Variants in SDC2 observed in about 807,000 individuals in gnomAD.
SDC2 encodes the protein syndecan-2.
SDC2 carries 13 observed loss-of-function variants against 22.2 expected under a neutral mutation model. That is an observed-to-expected ratio of 0.59 (90% CI 0.38 to 0.93). The LOEUF (loss-of-function observed/expected upper bound fraction) is 0.93, where lower values mean the gene tolerates loss of function less well. Ranked by LOEUF, SDC2 falls within the 40% of genes least tolerant of loss-of-function variation. SDC2 has a pLI of 0.00. For missense variants in SDC2, 235 were observed against 246.8 expected (o/e 0.95, Z 0.32); for synonymous variants, 94 against 92.8 (o/e 1.01, Z -0.07).
chr8:96,505,849 A>G (rs1813230853), intron 1 of SDC2, among the ~76,000 whole-genome samples: 2 of 152,224 alleles, frequency 1.3e-5, no homozygotes, highest in African/African-American at 4.8e-5. Flanking sequence ...TGGTCCTGCA[A>G]GTTAAAAAGA....
At chr8:96,600,935 T>C (rs904196674) in intron 2 of SDC2, among the ~76,000 whole-genome samples, 2 of 152,112 alleles carry the variant, frequency 1.3e-5, no homozygotes, top group African/African-American at 4.8e-5. Flanking sequence ...TTTATTGACA[T>C]TGTGGACATG....
chr8:96,542,017 T>C (rs1313613614), intron 1 of SDC2, among the ~76,000 whole-genome samples: 1 of 152,120 alleles, frequency 6.6e-6, no homozygotes, highest in Non-Finnish European at 1.5e-5. Flanking sequence ...ACAAGGTCAT[T>C]GTCATGGATT....
rs1554604674 is a variant in SDC2 at position 96,576,379 on chromosome 8, G to GGTTTTTTTT, written c.61-17101_61-17100insGTTTTTTTT. Among the ~76,000 whole-genome samples, 3 of 47,564 alleles carry GGTTTTTTTT rather than the reference G, an allele frequency of 6.3e-5. 1 individual carries two copies. The highest frequency in any genetic ancestry group is 7.9e-5 in the Non-Finnish European group (2 of 25,320). 31.2% of individuals were successfully genotyped at this position (47,564 alleles called of 152,430 possible). ...ATAATTGGTAGTTTGTTTTTGTTTT[G>GGTTTTTTTT]TTTTGTTTTTTTTTACCAGATTTGC... On this transcript the variant is annotated intron_variant, in intron 1 of 4. Transcript: ENST00000302190.
At chr8:96,569,563 A>G (rs1814356748) in intron 1 of SDC2, among the ~76,000 whole-genome samples, 1 of 152,226 alleles carries the variant, frequency 6.6e-6, no homozygotes, top group South Asian at 2.1e-4. Context: ...TATTTGCTAA[A>G]TGAACTAAAA....
intron 1 of SDC2, among the ~76,000 whole-genome samples, chr8:96,496,718 G>T (rs879050450): frequency 1.3e-5 from 2 of 152,200 alleles, no homozygotes; most frequent in African/African-American, 4.8e-5. Flanking sequence ...TTTAAAGGAA[G>T]AAAGGAAAAC....
chr8:96,553,564 C>G (rs1814060813), intron 1 of SDC2, among the ~76,000 whole-genome samples: 2 of 151,468 alleles, frequency 1.3e-5, no homozygotes, highest in African/African-American at 4.9e-5. Flanking sequence ...CTTATACCAA[C>G]ACTAGTTTGA....
At position 96,493,975 on chromosome 8, in the gene SDC2, G is replaced by C. The variant is rs1813003198; in HGVS notation, c.-297G>C. 2.1e-6 allele frequency: 1 copy of C among 478,042 alleles called. No individual in the cohort carries two copies. The highest frequency in any genetic ancestry group is 3.0e-5 in the South Asian group (1 of 33,088). The allele number at this position is 478,042 out of a possible 1,614,324, so 29.6% of individuals were successfully genotyped here. ...CGCGGAGGAGCAAAACCACAGCAGA[G>C]CAAGAAGAGCTTCAGAGAGCAGCCT... On this transcript the variant is annotated 5_prime_UTR_variant, in exon 1 of 5. Transcript: ENST00000302190.
chr8:96,495,237 T>C (rs1323352633), intron 1 of SDC2, among the ~76,000 whole-genome samples: 1 of 152,194 alleles, frequency 6.6e-6, no homozygotes, highest in Non-Finnish European at 1.5e-5. Flanking sequence ...GGGGCGCTTC[T>C]GGGGCCGGGA....
intron 1 of SDC2, among the ~76,000 whole-genome samples, chr8:96,517,419 G>A (rs2130451750): frequency 6.6e-6 from 1 of 152,226 alleles, no homozygotes; most frequent in Admixed American, 6.5e-5. Flanking sequence ...CTGAAAATTG[G>A]AAACATCTAT....
intron 1 of SDC2, among the ~76,000 whole-genome samples, chr8:96,498,378 G>A (rs2130414841): frequency 6.6e-6 from 1 of 152,236 alleles, no homozygotes; most frequent in East Asian, 1.9e-4. Flanking sequence ...TAAAGATGCA[G>A]CACCAACAGG....
rs952503590 is a variant in SDC2 at position 96,608,420 on chromosome 8, A to T, written c.392A>T (p.Tyr131Phe). Reference sequence around the variant, plus strand: ...CCAGCCGAAGAGGATACAAATGTGTATACTGAGAAACACTCAGACAGTCTG... The same window carrying T: ...CCAGCCGAAGAGGATACAAATGTGTTTACTGAGAAACACTCAGACAGTCTG... ...MDPAEEDTNV[Y>F]TEKHSDSLFK... The change falls in exon 4 of 5, where the codon TAT becomes TTT. Residue 131 changes from tyrosine to phenylalanine, a missense_variant. Tyr to Phe is a conservative substitution (Grantham distance 22). Transcript: ENST00000302190. 1.2e-6 allele frequency: 2 copies of T among 1,613,864 alleles called. No individual in the cohort carries two copies. Among genetic ancestry groups the T allele is most frequent in the African/African-American group, 2.7e-5 (2 of 74,944 alleles).
In SDC2 at chr8:96,611,779, T is replaced by C. The variant is rs1284768971; in HGVS notation, c.*2231T>C. 6.6e-6 allele frequency: 1 copy of C among 152,558 alleles called. No individual in the cohort carries two copies. The highest frequency in any genetic ancestry group is 1.5e-5 in the Non-Finnish European group (1 of 68,026). 9.5% of individuals were successfully genotyped at this position (152,558 alleles called of 1,614,324 possible). On this transcript the variant is annotated 3_prime_UTR_variant, in exon 5 of 5. Coordinates refer to ENST00000302190, the MANE Select transcript of SDC2 (RefSeq NM_002998.4). ...CTGTCATGCCAAAAGTAAATCATTG[T>C]ATAGACTGACATCCAGTTTTCTTCA...
At chr8:96,598,936 CTA>C in intron 2 of SDC2, among the ~76,000 whole-genome samples, 1 of 141,964 alleles carries the variant, frequency 7.0e-6, no homozygotes, top group South Asian at 2.3e-4. Context: ...CCATCTGTCT[CTA>C]TCTTTTTTTT....
At chr8:96,560,663 T>C (rs1284775261) in intron 1 of SDC2, among the ~76,000 whole-genome samples, 2 of 152,180 alleles carry the variant, frequency 1.3e-5, no homozygotes, top group Non-Finnish European at 1.5e-5. Flanking sequence ...GTTGTACTTA[T>C]ATTATTTTTG....
chr8:96,581,633 T>TAAA (rs5893393), intron 1 of SDC2, among the ~76,000 whole-genome samples: 45 of 145,800 alleles, frequency 3.1e-4, no homozygotes, highest in African/African-American at 1.0e-3. Flanking sequence ...CTCTGTCTCT[T>TAAA]AAAAAAAAAA....
intron 1 of SDC2, among the ~76,000 whole-genome samples, chr8:96,556,051 C>CACATAT (rs750930089): frequency 7.3e-6 from 1 of 136,844 alleles, no homozygotes; most frequent in African/African-American, 3.3e-5. Flanking sequence ...CACACACACA[C>CACATAT]ACACATACAC....
At chr8:96,583,285 T>C (rs943930665) in intron 1 of SDC2, among the ~76,000 whole-genome samples, 1 of 147,128 alleles carries the variant, frequency 6.8e-6, no homozygotes, top group African/African-American at 2.5e-5. Context: ...ATATAATATA[T>C]ATATGTAATA....
chr8:96,597,727 A>G (rs906810820), intron 2 of SDC2, among the ~76,000 whole-genome samples: 2 of 152,234 alleles, frequency 1.3e-5, no homozygotes, highest in Non-Finnish European at 2.9e-5. Context: ...GTCAAAAATG[A>G]AAAGCTCATT....
chr8:96,526,259 C>G (rs1382547931), intron 1 of SDC2, among the ~76,000 whole-genome samples: 1 of 151,670 alleles, frequency 6.6e-6, no homozygotes, highest in Non-Finnish European at 1.5e-5. Context: ...TTTAAATAGG[C>G]CTCTATAAAG....
Sources: allele counts gnomAD v4.1 joint callset (sites outside exome capture counted in the v4.1 genomes callset), GRCh38; gene constraint gnomAD v4.1.1; transcripts MANE v1.5; gene names NCBI Gene and HGNC (gene_info 2026-07-23, HGNC 2026-07-21).